Variants in AIG1 observed in about 807,000 individuals in gnomAD.
AIG1 encodes androgen-induced gene 1 protein.
AIG1 carries 23 observed loss-of-function variants against 31.4 expected under a neutral mutation model. That is an observed-to-expected ratio of 0.73 (90% confidence interval 0.53 to 1.04). AIG1 has a LOEUF of 1.04. AIG1 is among the 50% of genes least tolerant of loss of function. The pLI is 0.00. For synonymous variants in AIG1, 100 were observed against 110.5 expected (o/e 0.90, Z 0.60); for missense variants, 274 against 295.0 (o/e 0.93, Z 0.52).
intron 2 of AIG1, among the ~76,000 whole-genome samples, chr6:143,150,538 C>T (rs1785113018): frequency 6.6e-6 from 1 of 152,170 alleles, no homozygotes; most frequent in Non-Finnish European, 1.5e-5. Context: ...AGGAAGAAGA[C>T]TGGGGCCCAT....
rs961684288 is a variant in AIG1 at position 143,284,021 on chromosome 6, T to A, written c.400-89T>A. 5.7e-6 allele frequency: 5 copies of A among 882,382 alleles called. No homozygotes were observed. The highest frequency in any genetic ancestry group is 2.3e-5 in the Admixed American group (1 of 43,264). The allele number at this position is 882,382 out of a possible 1,614,324, so 54.7% of individuals were successfully genotyped here. On this transcript the variant is annotated intron_variant, in intron 3 of 5. Transcript: ENST00000357847. This position sits in a 1 kb window ranked among gnomAD's most constrained non-coding sequence, Gnocchi z 4.4. ...TTCTGCCTGACACTTTCCTAGGAAT[T>A]TATAGTGTGCATTCTCCTACTGGTG...
rs929187982 is a variant in AIG1 at position 143,279,829 on chromosome 6, G to A, written c.400-4281G>A. Among the ~76,000 whole-genome samples the A allele has an allele frequency of 6.6e-6, 1 of 152,190 alleles. No homozygotes were observed. Among genetic ancestry groups the A allele is most frequent in the Non-Finnish European group, 1.5e-5 (1 of 68,044 alleles). On this transcript the variant is annotated intron_variant, in intron 3 of 5. Transcript: ENST00000357847. The surrounding 1 kb of genome is among the most constrained non-coding windows in gnomAD (Gnocchi z 5.4). ...CTAGCTAAAATGGATGATAGAGCTT[G>A]GGATAGGTTCACCACTTATATCCTA...
At chr6:143,282,730 T>TA (rs1374424594) in intron 3 of AIG1, among the ~76,000 whole-genome samples, 1 of 152,252 alleles carries the variant, frequency 6.6e-6, no homozygotes, top group African/African-American at 2.4e-5. Flanking sequence ...GATCATCCAC[T>TA]GTCTTAATAT....
chr6:143,317,647 C>T, intron 4 of AIG1, among the ~76,000 whole-genome samples: 1 of 151,886 alleles, frequency 6.6e-6, no homozygotes, highest in Admixed American at 6.6e-5. Flanking sequence ...ACTGGAAGTC[C>T]TAGCAAGAGC....
chr6:143,208,366 C>T (rs766276930), intron 3 of AIG1, among the ~76,000 whole-genome samples: 2 of 152,170 alleles, frequency 1.3e-5, no homozygotes, highest in African/African-American at 2.4e-5. Flanking sequence ...GCCACTTTCT[C>T]CCTTCCTGCT....
chr6:143,081,685 T>C (rs896079046), intron 1 of AIG1, among the ~76,000 whole-genome samples: 9 of 152,112 alleles, frequency 5.9e-5, no homozygotes, highest in African/African-American at 1.4e-4. Flanking sequence ...TGTCAATGCC[T>C]AAGTGAAAGG....
At chr6:143,118,971 T>G (rs1028285267) in intron 1 of AIG1, among the ~76,000 whole-genome samples, 3 of 151,712 alleles carry the variant, frequency 2.0e-5, no homozygotes, top group African/African-American at 4.8e-5. Context: ...CCTCCTGGGC[T>G]CAATTGATCC....
At chr6:143,097,140 A>G (rs1434875285) in intron 1 of AIG1, among the ~76,000 whole-genome samples, 2 of 152,140 alleles carry the variant, frequency 1.3e-5, no homozygotes, top group Admixed American at 1.3e-4. Context: ...TTAAATTGTA[A>G]AGGAAAAGTG....
intron 4 of AIG1, among the ~76,000 whole-genome samples, chr6:143,310,238 C>T (rs1023088634): frequency 1.2e-4 from 18 of 151,756 alleles, no homozygotes; most frequent in Non-Finnish European, 2.2e-4. Context: ...CAACCCTATT[C>T]GGGGCAATAA....
intron 4 of AIG1, among the ~76,000 whole-genome samples, chr6:143,308,564 G>C (rs915302023): frequency 2.0e-4 from 30 of 152,088 alleles, no homozygotes; most frequent in Non-Finnish European, 3.8e-4. Flanking sequence ...GCAGCATGTG[G>C]GGGCTTTGTT....
At chr6:143,287,763 A>G (rs1345419482) in intron 4 of AIG1, among the ~76,000 whole-genome samples, 1 of 140,776 alleles carries the variant, frequency 7.1e-6, no homozygotes, top group African/African-American at 2.7e-5. Flanking sequence ...AAAAAAAAAA[A>G]ATCTATATTT....
At chr6:143,105,324 G>A (rs927495281) in intron 1 of AIG1, among the ~76,000 whole-genome samples, 2 of 152,212 alleles carry the variant, frequency 1.3e-5, no homozygotes, top group South Asian at 4.1e-4. Flanking sequence ...GGTGTGAGTA[G>A]TGTTCAAGAT....
At chr6:143,176,728 A>G (rs892894859) in intron 3 of AIG1, among the ~76,000 whole-genome samples, 4 of 152,232 alleles carry the variant, frequency 2.6e-5, no homozygotes, top group African/African-American at 9.6e-5. Flanking sequence ...CCAACAGCAC[A>G]CAGTTTATTT....
chr6:143,138,045 C>T (rs762755556), intron 2 of AIG1, among the ~76,000 whole-genome samples: 1 of 152,212 alleles, frequency 6.6e-6, no homozygotes, highest in Non-Finnish European at 1.5e-5. Flanking sequence ...TTAGTAGACA[C>T]TCAGATGGTC....
At chr6:143,212,550 C>T (rs1231647616) in intron 3 of AIG1, among the ~76,000 whole-genome samples, 1 of 152,146 alleles carries the variant, frequency 6.6e-6, no homozygotes, top group Middle Eastern at 3.2e-3. Context: ...AAGTGACTGA[C>T]CAGACCATGA....
At chr6:143,185,858 A>G (rs966364894) in intron 3 of AIG1, among the ~76,000 whole-genome samples, 1 of 152,158 alleles carries the variant, frequency 6.6e-6, no homozygotes, top group African/African-American at 2.4e-5. Flanking sequence ...AAGGAAATAC[A>G]ATTATTTTCT....
Position 143,326,183 on chromosome 6 carries a change from CTT to C in AIG1, c.516-7097_516-7096del, listed in dbSNP as rs1410653593. On this transcript the variant is annotated intron_variant, in intron 4 of 5. Transcript: ENST00000357847. The surrounding 1 kb of genome is among the most constrained non-coding windows in gnomAD (Gnocchi z 4.5). ...TTTCAGATTTATTTATTTTCAAAGA[CTT>C]TATATTTGCACACTAGGACGGAGTC... Among the ~76,000 whole-genome samples the C allele has an allele frequency of 1.3e-5, 2 of 152,178 alleles. No homozygotes were observed. The highest frequency in any genetic ancestry group is 6.5e-5 in the Admixed American group (1 of 15,280).
intron 3 of AIG1, among the ~76,000 whole-genome samples, chr6:143,170,385 T>TA (rs1387002243): frequency 3.3e-5 from 5 of 152,092 alleles, no homozygotes; most frequent in Admixed American, 6.6e-5. Flanking sequence ...CAGTTGTTCA[T>TA]AATAATCTGT....
At chr6:143,129,135 C>CA (rs1393892731) in intron 1 of AIG1, among the ~76,000 whole-genome samples, 1 of 151,702 alleles carries the variant, frequency 6.6e-6, no homozygotes, top group Non-Finnish European at 1.5e-5. Context: ...ACTAAAAATA[C>CA]AAAAAATTAG....
Sources: allele counts gnomAD v4.1 joint callset (sites outside exome capture counted in the v4.1 genomes callset), GRCh38; gene constraint gnomAD v4.1.1; non-coding constraint Gnocchi (gnomAD v3.1); transcripts MANE v1.5; gene names NCBI Gene and HGNC (gene_info 2026-07-23, HGNC 2026-07-21).